The following ADAMTS7 variants were observed in gnomAD, a reference collection of about 807,000 sequenced individuals.
ADAMTS7 encodes the protein ADAM metallopeptidase with thrombospondin type 1 motif 7.
Under a neutral mutation model 172.6 loss-of-function variants are expected in ADAMTS7, and 89 were observed. That is an observed-to-expected ratio of 0.52 (90% CI 0.43 to 0.61). ADAMTS7 has a LOEUF of 0.61. ADAMTS7 is among the 20% of genes least tolerant of loss of function. The pLI, the probability that ADAMTS7 is intolerant of heterozygous loss-of-function variation, is 0.00. For synonymous variants in ADAMTS7, 885 were observed against 978.4 expected (o/e 0.90, Z 1.78); for missense variants, 1,973 against 2,355.6 (o/e 0.84, Z 3.36).
Position 78,776,827 on chromosome 15 carries a change from T to C in ADAMTS7, c.1482A>G (p.Thr494=). Residue 494 remains threonine, a synonymous_variant, in exon 10 of 24, where the codon ACA becomes ACG. Coordinates refer to ENST00000388820, the MANE Select transcript of ADAMTS7 (RefSeq NM_014272.5). The stretch of plus-strand genomic sequence containing the variant: ...AGGTGGTCCCCACAGAGCACCAGAG[T>C]GTGTGGCAGACATTCTGCGAGGAGG... ...FCEDMDNVCH[T]LWCSVGTTCH... is the part of the protein sequence containing the mutation. The C allele has an allele frequency of 6.5e-7, 1 of 1,545,610 alleles. No homozygotes were observed.
chr15:78,767,613 G>A (rs1293778234), intron 17 of ADAMTS7, 21 bp from the exon 18 acceptor site: 1 of 1,522,300 alleles, frequency 6.6e-7, no homozygotes, highest in Non-Finnish European at 8.8e-7. Context: ...CACACAGGTG[G>A]CATCAGTGTG....
At position 78,771,866 on chromosome 15, in the gene ADAMTS7, G is replaced by A. The variant is rs927831007; in HGVS notation, c.2132-37C>T. ...GGGTTGTGCATAGGTTGTGCCCAGG[G>A]TGAGAGGGTTGCTTATCCCCACCCG... On this transcript the variant is annotated intron_variant, in intron 14 of 23. Coordinates refer to ENST00000388820, the MANE Select transcript of ADAMTS7 (RefSeq NM_014272.5). The surrounding 1 kb of genome is among the most constrained non-coding windows in gnomAD (Gnocchi z 4.9). 3.8e-6 allele frequency: 6 copies of A among 1,591,124 alleles called. No individual in the cohort carries two copies. The highest frequency in any genetic ancestry group is 4.3e-6 in the Non-Finnish European group (5 of 1,171,692).
chr15:78,759,980 G>A (rs531967157), intron 23 of ADAMTS7, among the ~76,000 whole-genome samples: 196 of 152,180 alleles, frequency 1.3e-3, no homozygotes, highest in East Asian at 2.3e-3. Context: ...GCCTGCAGCG[G>A]CCTCTGCCCC....
intron 4 of ADAMTS7, among the ~76,000 whole-genome samples, chr15:78,794,818 A>C (rs1177529917): frequency 2.0e-5 from 3 of 152,282 alleles, no homozygotes; most frequent in East Asian, 3.9e-4. Context: ...CCCAGGCTCA[A>C]GCAATCCTCC....
At position 78,797,886 on chromosome 15, in the gene ADAMTS7, A is replaced by T. The variant is rs537075841; in HGVS notation, c.622+62T>A. The T allele has an allele frequency of 7.8e-6, 12 of 1,547,660 alleles. No homozygotes were observed. In the African/African-American group the frequency reaches 1.6e-4, roughly 20 times the overall value. ...TGGGGATGTTAAGGGGGGCTTCTAGAAAGGCCCCTTCATGTCCCCAGGCCC... is the reference window on the plus strand; with the variant it reads ...TGGGGATGTTAAGGGGGGCTTCTAGTAAGGCCCCTTCATGTCCCCAGGCCC... On this transcript the variant is annotated intron_variant, in intron 3 of 23. Transcript: ENST00000388820.
rs188239953 is a variant in ADAMTS7 at position 78,810,293 on chromosome 15, A to G, written c.100+828T>C. Among the ~76,000 whole-genome samples the G allele has an allele frequency of 1.4e-4, 22 of 152,308 alleles. No homozygotes were observed. The East Asian group carries it at 4.3e-3, about 29-fold the overall frequency. On this transcript the variant is annotated intron_variant, in intron 1 of 23. Transcript: ENST00000388820. ...GCTCTATTGCAGGACTCTCCCCACT[A>G]TCCACCGGCTCCCCTGACTGGGAGC...
At chr15:78,809,938 G>C (rs1251403003) in intron 1 of ADAMTS7, among the ~76,000 whole-genome samples, 1 of 152,250 alleles carries the variant, frequency 6.6e-6, no homozygotes, top group African/African-American at 2.4e-5. Flanking sequence ...TTAAATGTTC[G>C]CTCCCTCTGC....
chr15:78,788,411 G>T, intron 7 of ADAMTS7, 37 bp from the exon 8 acceptor site: 1 of 1,605,246 alleles, frequency 6.2e-7, no homozygotes, highest in Non-Finnish European at 8.5e-7. Context: ...CGGGTGAGCC[G>T]GCGGGAGGCT....
At position 78,776,333 on chromosome 15, in the gene ADAMTS7, A is replaced by G. The variant is rs202197982; in HGVS notation, c.1561T>C (p.Trp521Arg). Residue 521 changes from tryptophan (W) to arginine (R), a missense_variant and splice_region_variant, in exon 11 of 24, where the codon TGG becomes CGG. Trp to Arg is a moderately radical substitution (Grantham distance 101, BLOSUM62 -3). Coordinates refer to ENST00000388820, the MANE Select transcript of ADAMTS7 (RefSeq NM_014272.5). ...GGTACGCACTCCCCACTGAGACACC[A>G]CTACTGAGACAGACGGAGGTAGAGC... ...VDGTRCGENK[W>R]CLSGECVPVG... The G allele has an allele frequency of 5.0e-5, 80 of 1,610,414 alleles. No individual in the cohort carries two copies. Among genetic ancestry groups the G allele is most frequent in the Non-Finnish European group, 5.1e-6 (6 of 1,179,096 alleles).
intron 8 of ADAMTS7, among the ~76,000 whole-genome samples, chr15:78,786,786 A>T (rs768267065): frequency 2.6e-5 from 4 of 152,162 alleles, no homozygotes; most frequent in Non-Finnish European, 4.4e-5. Flanking sequence ...AATTTCAGTG[A>T]CTCTGCATAC....
At position 78,771,978 on chromosome 15, in the gene ADAMTS7, T is replaced by C. The variant is rs2141483077; in HGVS notation, c.2132-149A>G. The C allele has an allele frequency of 1.6e-6, 2 of 1,254,574 alleles. No individual in the cohort carries two copies. The highest frequency in any genetic ancestry group is 2.6e-5 in the Admixed American group (1 of 38,464). The allele number at this position is 1,254,574 out of a possible 1,614,324, so 77.7% of individuals were successfully genotyped here. ...CTCCCTAAATTGCTCGGATCTGTCA[T>C]GGGTCACCAAAACCTCGCAGAGGTG... On this transcript the variant is annotated intron_variant, in intron 14 of 23. Transcript: ENST00000388820. This position sits in a 1 kb window ranked among gnomAD's most constrained non-coding sequence, Gnocchi z 4.9.
At chr15:78,761,671 T>G (rs867106217) in intron 23 of ADAMTS7, among the ~76,000 whole-genome samples, 64 of 151,682 alleles carry the variant, frequency 4.2e-4, no homozygotes, top group African/African-American at 1.3e-3. Flanking sequence ...GCCACCCCAT[T>G]TCCTGCCCTC....
intron 1 of ADAMTS7, among the ~76,000 whole-genome samples, chr15:78,802,176 T>G (rs55695037): frequency 0.022 from 3,423 of 152,266 alleles, 59 homozygotes; most frequent in Non-Finnish European, 0.037. Context: ...TTAGAGGAAG[T>G]GTCCAGAACT....
Position 78,771,148 on chromosome 15 carries a change from GC to G in ADAMTS7, c.2518+13del. The G allele has an allele frequency of 6.3e-7, 1 of 1,595,444 alleles. No individual in the cohort carries two copies. Among genetic ancestry groups the G allele is most frequent in the South Asian group, 1.1e-5 (1 of 88,782 alleles). On this transcript the variant is annotated intron_variant, in intron 16 of 23. Coordinates refer to ENST00000388820, the MANE Select transcript of ADAMTS7 (RefSeq NM_014272.5). The surrounding 1 kb of genome is among the most constrained non-coding windows in gnomAD (Gnocchi z 4.9). ...AGCCCCTGCAGGTGGGGCTGTGCCT[GC>G]CCCACTTCTCACCTCTGCCGCAGGT...
At chr15:78,796,495 G>A in intron 4 of ADAMTS7, 95 bp downstream of exon 4, 3 of 1,431,354 alleles carry the variant, frequency 2.1e-6, no homozygotes, top group Non-Finnish European at 1.9e-6. Flanking sequence ...TGGGTCTGGG[G>A]TCCAGCCTGA....
In ADAMTS7 at chr15:78,790,796, T is replaced by C; in HGVS notation, c.904-2A>G. 3 of 1,613,396 alleles carry C rather than the reference T, an allele frequency of 1.9e-6. No homozygotes were observed. The highest frequency in any genetic ancestry group is 2.5e-6 in the Non-Finnish European group (3 of 1,179,854). Reference sequence around the variant, plus strand: ...ATGGTGCGTGATCTTTAGGTCCTCCTGGGGGCAGAGAGAGTGACTGCTCAT... The same window carrying C: ...ATGGTGCGTGATCTTTAGGTCCTCCCGGGGGCAGAGAGAGTGACTGCTCAT... On this transcript the variant is annotated splice_acceptor_variant, in intron 5 of 23. Transcript: ENST00000388820. LOFTEE classifies it high-confidence loss of function.
chr15:78,763,629 T>C, intron 22 of ADAMTS7, 70 bp downstream of exon 22: 1 of 1,478,062 alleles, frequency 6.8e-7, no homozygotes, highest in Non-Finnish European at 8.9e-7. Context: ...CACAGCTCCT[T>C]CACCCAACCC....
chr15:78,801,203 C>T (rs970477874), intron 1 of ADAMTS7, among the ~76,000 whole-genome samples: 2 of 152,176 alleles, frequency 1.3e-5, no homozygotes, highest in African/African-American at 4.8e-5. Flanking sequence ...CTCTACTCAT[C>T]GTCTCTCCTG....
intron 4 of ADAMTS7, among the ~76,000 whole-genome samples, chr15:78,793,573 A>G (rs11631955): frequency 0.29 from 44,823 of 151,980 alleles, 8,429 homozygotes; most frequent in Non-Finnish European, 0.43. Context: ...ATTCAACAGC[A>G]GCATCTTTTT....
Sources: gnomAD v4.1 joint callset for allele counts (sites outside exome capture counted in the v4.1 genomes callset) on GRCh38, gnomAD v4.1.1 for gene constraint, Gnocchi (gnomAD v3.1) non-coding constraint, MANE v1.5 for transcripts, NCBI Gene and HGNC (gene_info 2026-07-23, HGNC 2026-07-21) for gene names.